Variants in USH2A observed in about 807,000 individuals in gnomAD.
USH2A encodes usherin.
In USH2A, 443 loss-of-function variants were observed where a neutral mutation model predicts 538.9. The ratio of observed to expected loss-of-function variants is 0.82; its 90% confidence interval spans 0.76 to 0.89. The LOEUF (loss-of-function observed/expected upper bound fraction) is 0.89, where lower values mean the gene tolerates loss of function less well. Among genes scored for constraint, USH2A ranks in the 40% least tolerant of loss-of-function variants. The pLI is 0.00. For missense variants in USH2A, 6,633 were observed against 6,324.8 expected (o/e 1.05, Z -1.65); for synonymous variants, 2,413 against 2,273.5 (o/e 1.06, Z -1.75).
intron 64 of USH2A, among the ~76,000 whole-genome samples, chr1:215,663,135 T>C (rs1657496032): frequency 6.6e-6 from 1 of 152,342 alleles, no homozygotes; most frequent in East Asian, 1.9e-4. Context: ...GTACTCCTGA[T>C]TGAGATTTTT....
intron 47 of USH2A, among the ~76,000 whole-genome samples, 199 bp from the exon 48 acceptor site, chr1:215,817,394 A>T (rs879474535): frequency 6.6e-6 from 1 of 152,018 alleles, no homozygotes. Context: ...GAGGTGGTTT[A>T]TTACTTTCAG....
intron 59 of USH2A, 105 bp from the exon 60 acceptor site, chr1:215,741,642 C>T: frequency 8.0e-7 from 1 of 1,247,806 alleles, no homozygotes; most frequent in Non-Finnish European, 1.1e-6. Context: ...TTTAACCTGT[C>T]CTTTTGCATA....
At chr1:215,840,838 T>C (rs1663658754) in intron 46 of USH2A, among the ~76,000 whole-genome samples, 1 of 152,190 alleles carries the variant, frequency 6.6e-6, no homozygotes, top group Admixed American at 6.5e-5. Context: ...CCTTCCTGTG[T>C]TAGCCTTTTT....
At chr1:215,884,010 T>C (rs1008736355) in intron 41 of USH2A, among the ~76,000 whole-genome samples, 8 of 151,712 alleles carry the variant, frequency 5.3e-5, no homozygotes, top group African/African-American at 1.9e-4. Context: ...TAAGTGGGAG[T>C]TGAACAATGA....
At chr1:215,951,494 T>C (rs538500126) in intron 37 of USH2A, among the ~76,000 whole-genome samples, 82 of 152,324 alleles carry the variant, frequency 5.4e-4, no homozygotes, top group Non-Finnish European at 2.2e-4. Context: ...AATTTTGGAA[T>C]AGGTGTGGTG....
intron 30 of USH2A, among the ~76,000 whole-genome samples, chr1:216,049,115 C>T (rs1277990276): frequency 6.6e-6 from 1 of 152,198 alleles, no homozygotes; most frequent in African/African-American, 2.4e-5. Context: ...AAATGCTACT[C>T]CCAAGAGTGG....
intron 70 of USH2A, among the ~76,000 whole-genome samples, chr1:215,632,289 G>T (rs1199617088): frequency 6.6e-6 from 1 of 152,044 alleles, no homozygotes; most frequent in Non-Finnish European, 1.5e-5. Flanking sequence ...AGAACTTCAG[G>T]TCCTGCTCCT....
chr1:215,945,117 G>C (rs964475777), intron 37 of USH2A, among the ~76,000 whole-genome samples: 2 of 152,100 alleles, frequency 1.3e-5, no homozygotes, highest in Non-Finnish European at 2.9e-5. Flanking sequence ...ATGGTACCAT[G>C]AGTCCCAAAA....
At chr1:215,759,552 A>G (rs1051143873) in intron 57 of USH2A, 108 bp downstream of exon 57, 1 of 1,349,166 alleles carries the variant, frequency 7.4e-7, no homozygotes. Context: ...ATGAATGAGG[A>G]AGTTAATTAA....
chr1:215,800,068 T>C (rs1439921723), intron 49 of USH2A, among the ~76,000 whole-genome samples: 2 of 152,126 alleles, frequency 1.3e-5, no homozygotes, highest in Non-Finnish European at 2.9e-5. Context: ...TCAAATACTC[T>C]AAATACCAAG....
intron 20 of USH2A, among the ~76,000 whole-genome samples, chr1:216,176,501 C>G (rs996539011): frequency 6.6e-6 from 1 of 152,156 alleles, no homozygotes; most frequent in African/African-American, 2.4e-5. Flanking sequence ...CTTCCAATAT[C>G]AACATCCGGC....
chr1:216,237,543 C>G (rs2102531175), intron 13 of USH2A, among the ~76,000 whole-genome samples: 1 of 150,064 alleles, frequency 6.7e-6, no homozygotes, highest in Non-Finnish European at 1.5e-5. Flanking sequence ...TCCACTCTTT[C>G]AGAGTATACA....
intron 22 of USH2A, among the ~76,000 whole-genome samples, chr1:216,093,589 C>G (rs1279475379): frequency 6.6e-6 from 1 of 152,190 alleles, no homozygotes; most frequent in Non-Finnish European, 1.5e-5. Flanking sequence ...TCCTATCCTA[C>G]AGAGTCTTAA....
chr1:215,987,706 G>A (rs759872937), intron 35 of USH2A, among the ~76,000 whole-genome samples: 1 of 152,164 alleles, frequency 6.6e-6, no homozygotes, highest in African/African-American at 2.4e-5. Flanking sequence ...AAAAACCACA[G>A]AAATGTCCAT....
Position 216,028,785 on chromosome 1 carries a change from TA to T in USH2A, c.6325+17645del, listed in dbSNP as rs766267348. 5.9e-5 allele frequency among the ~76,000 whole-genome samples: 9 copies of T among 152,170 alleles called. No homozygotes were observed. The South Asian group carries it at 1.9e-3, about 32-fold the overall frequency. ...ATAAACACATTTGTGGTATTAATTT[TA>T]AAAAACTTAAAATGCACATACACAA... On this transcript the variant is annotated intron_variant, in intron 32 of 71. Coordinates refer to ENST00000307340, the MANE Select transcript of USH2A (RefSeq NM_206933.4).
chr1:216,277,504 C>A (rs1338087656), intron 11 of USH2A, among the ~76,000 whole-genome samples: 1 of 152,112 alleles, frequency 6.6e-6, no homozygotes, highest in Non-Finnish European at 1.5e-5. Context: ...ACTCTATTCT[C>A]AGAGGTCCTC....
chr1:216,040,048 TACACACACACACACACACACACACAC>T (rs59691309), intron 32 of USH2A, among the ~76,000 whole-genome samples: 1 of 146,228 alleles, frequency 6.8e-6, no homozygotes, highest in African/African-American at 2.5e-5. Flanking sequence ...GTCTCTCAAT[TACACACACACACACACACACACACAC>T]ACACACACAC....
At chr1:216,193,390 A>G (rs1307462301) in intron 19 of USH2A, among the ~76,000 whole-genome samples, 1 of 152,084 alleles carries the variant, frequency 6.6e-6, no homozygotes, top group Non-Finnish European at 1.5e-5. Context: ...GTAATCATAA[A>G]TTATTTATTG....
At position 215,895,726 on chromosome 1, in the gene USH2A, T is replaced by C. The variant is rs531993371; in HGVS notation, c.7594+4349A>G. 5.3e-5 allele frequency among the ~76,000 whole-genome samples: 8 copies of C among 152,276 alleles called. No individual in the cohort carries two copies. In the East Asian group the frequency reaches 1.5e-3, roughly 29 times the overall value. On this transcript the variant is annotated intron_variant, in intron 40 of 71. Transcript: ENST00000307340. ...AACAAGATGTAATGCAATGAGCAAATATAGCATGGCAATGGTACAGTCTTG... is the reference window on the plus strand; with the variant it reads ...AACAAGATGTAATGCAATGAGCAAACATAGCATGGCAATGGTACAGTCTTG...
Sources: gnomAD v4.1 joint callset for allele counts (sites outside exome capture counted in the v4.1 genomes callset) on GRCh38, gnomAD v4.1.1 for gene constraint, MANE v1.5 for transcripts, NCBI Gene and HGNC (gene_info 2026-07-23, HGNC 2026-07-21) for gene names.